The following MYO18A variants were observed in gnomAD, a reference collection of about 807,000 sequenced individuals.
The protein encoded by MYO18A is myosin XVIIIA.
Under a neutral mutation model 235.8 loss-of-function variants are expected in MYO18A, and 78 were observed. That is an observed-to-expected ratio of 0.33 (90% CI 0.28 to 0.40). The LOEUF (loss-of-function observed/expected upper bound fraction) is 0.40, where lower values mean the gene tolerates loss of function less well. Among genes scored for constraint, MYO18A ranks in the 10% least tolerant of loss-of-function variants. The pLI is 1.00. For synonymous variants in MYO18A, 977 were observed against 1,077.8 expected (o/e 0.91, Z 1.83); for missense variants, 2,215 against 2,699.3 (o/e 0.82, Z 3.98).
chr17:29,131,501 A>C, intron 2 of MYO18A: 1 of 890,196 alleles, frequency 1.1e-6, no homozygotes, highest in Non-Finnish European at 1.3e-6. Context: ...CAGCACTAAA[A>C]GCACAGGGAG....
chr17:29,148,363 G>C (rs999591580), intron 2 of MYO18A, among the ~76,000 whole-genome samples: 1 of 152,194 alleles, frequency 6.6e-6, no homozygotes, highest in South Asian at 2.1e-4. Flanking sequence ...GGAGAGTCCT[G>C]TTTAAAGCAC....
chr17:29,122,275 A>G (rs2067219679), intron 2 of MYO18A, 22 bp from the exon 3 acceptor site: 1 of 1,598,850 alleles, frequency 6.3e-7, no homozygotes, highest in African/African-American at 1.3e-5. Flanking sequence ...AGAGAAGAAT[A>G]AACAGGCCCT....
intron 21 of MYO18A, among the ~76,000 whole-genome samples, chr17:29,103,005 G>A (rs531616517): frequency 6.6e-6 from 1 of 152,304 alleles, no homozygotes; most frequent in Admixed American, 6.5e-5. Flanking sequence ...AGGGCTTCCT[G>A]CCTGTGGGAG....
intron 2 of MYO18A, chr17:29,128,607 A>C: frequency 8.8e-7 from 1 of 1,142,808 alleles, no homozygotes; most frequent in Non-Finnish European, 1.1e-6. Context: ...CATCCCATGC[A>C]GAGGGAATAA....
intron 22 of MYO18A, 72 bp downstream of exon 22, chr17:29,099,562 T>C (rs2066605697): frequency 1.3e-6 from 2 of 1,552,260 alleles, no homozygotes; most frequent in Non-Finnish European, 1.7e-6. Context: ...CTCCCCCTTA[T>C]AGCCCCCACC....
intron 15 of MYO18A, among the ~76,000 whole-genome samples, chr17:29,112,175 C>A (rs1025312276): frequency 1.3e-5 from 2 of 152,250 alleles, no homozygotes; most frequent in African/African-American, 4.8e-5. Flanking sequence ...CTCCTCCACC[C>A]TCGTCCCCTC....
intron 1 of MYO18A, among the ~76,000 whole-genome samples, chr17:29,173,480 C>G (rs1170556460): frequency 2.0e-5 from 3 of 151,410 alleles, no homozygotes; most frequent in African/African-American, 7.3e-5. Flanking sequence ...CTCCGCCTCC[C>G]GGGTTCACGC....
In MYO18A at chr17:29,096,900, C is replaced by T. The variant is rs1374990345; in HGVS notation, c.4246G>A (p.Ala1416Thr). The T allele has an allele frequency of 1.3e-6, 2 of 1,571,818 alleles. No homozygotes were observed. Among genetic ancestry groups the T allele is most frequent in the South Asian group, 2.3e-5 (2 of 85,298 alleles). Residue 1416 changes from alanine (A) to threonine (T), a missense_variant, in exon 28 of 42, where the codon GCA (alanine) becomes ACA (threonine). Coordinates refer to ENST00000527372, the MANE Select transcript of MYO18A (RefSeq NM_078471.4). ...QLERRLGDLQADSEESQRALQ... is the reference protein window; with the variant it reads ...QLERRLGDLQTDSEESQRALQ... Reference sequence around the variant, plus strand: ...GCCCGCTGACTCTCCTCACTATCTGCCTGCAGGTCCCCGAGCTAGGGGCCA... The same window carrying T: ...GCCCGCTGACTCTCCTCACTATCTGTCTGCAGGTCCCCGAGCTAGGGGCCA...
At chr17:29,142,510 T>G (rs2067763231) in intron 2 of MYO18A, among the ~76,000 whole-genome samples, 1 of 152,192 alleles carries the variant, frequency 6.6e-6, no homozygotes, top group Non-Finnish European at 1.5e-5. Context: ...GTTCTCCAAG[T>G]TCTCAGGCCA....
In MYO18A at chr17:29,125,593, G is replaced by A. The variant is rs1567614809; in HGVS notation, c.1000-3340C>T. Among the ~76,000 whole-genome samples the A allele has an allele frequency of 1.3e-5, 2 of 152,148 alleles. No homozygotes were observed. Among genetic ancestry groups the A allele is most frequent in the African/African-American group, 4.8e-5 (2 of 41,422 alleles). On this transcript the variant is annotated intron_variant, in intron 2 of 41. Transcript: ENST00000527372. The surrounding 1 kb of genome is among the most constrained non-coding windows in gnomAD (Gnocchi z 5.1). ...GCGACAGCAACCTTCCTTACCACCC[G>A]CCAGGCCCTGACACCAACACATGTC...
intron 2 of MYO18A, among the ~76,000 whole-genome samples, chr17:29,159,081 CCT>C (rs2068118742): frequency 6.6e-6 from 1 of 152,138 alleles, no homozygotes; most frequent in South Asian, 2.1e-4. Flanking sequence ...GTCAGTGCAG[CCT>C]GGGCACTGTG....
rs1343727330 is a variant in MYO18A at position 29,140,466 on chromosome 17, T to C, written c.1000-18213A>G. 1.7e-6 allele frequency: 2 copies of C among 1,201,286 alleles called. No individual in the cohort carries two copies. The highest frequency in any genetic ancestry group is 1.5e-5 in the South Asian group (1 of 68,674). 74.4% of individuals were successfully genotyped at this position (1,201,286 alleles called of 1,614,324 possible). ...CAGTTCCCGCCCTCTCCCCGGCCCC[T>C]CCCGTCCCGAGCTGCCCAGCCCTAG... On this transcript the variant is annotated intron_variant, in intron 2 of 41. Transcript: ENST00000527372. This position sits in a 1 kb window ranked among gnomAD's most constrained non-coding sequence, Gnocchi z 4.2.
intron 1 of MYO18A, among the ~76,000 whole-genome samples, chr17:29,178,080 A>G (rs2068572104): frequency 6.6e-6 from 1 of 152,116 alleles, no homozygotes; most frequent in Non-Finnish European, 1.5e-5. Context: ...TTTCAGGCCC[A>G]GTTTCTGAAG....
chr17:29,172,159 G>A (rs1221435706), intron 1 of MYO18A, among the ~76,000 whole-genome samples: 1 of 152,128 alleles, frequency 6.6e-6, no homozygotes, highest in African/African-American at 2.4e-5. Context: ...TGGATATCAA[G>A]TAACAAACCT....
intron 23 of MYO18A, 100 bp from the exon 24 acceptor site, chr17:29,098,545 G>T (rs563840252): frequency 3.6e-6 from 5 of 1,373,552 alleles, no homozygotes; most frequent in Admixed American, 3.8e-5. Flanking sequence ...TGAAGCTTGG[G>T]CCAGGACGCC....
chr17:29,111,745 C>G lies in MYO18A; in HGVS notation c.2717G>C (p.Gly906Ala). ...ACCTTTTTTGTCACCTTCCTGGGGG[C>G]CATAATAGGAGAAAAGGCGCTCCAG... ...TLLERLFSYYGPQEGDKKGQS... is the reference protein window; with the variant it reads ...TLLERLFSYYAPQEGDKKGQS... Residue 906 changes from glycine (G) to alanine (A), a missense_variant, in exon 16 of 42, where the codon GGC becomes GCC. By Grantham distance (60) the Gly-to-Ala change is moderately conservative (BLOSUM62 0). Transcript: ENST00000527372. The surrounding 1 kb of genome is among the most constrained non-coding windows in gnomAD (Gnocchi z 5.1). The G allele has an allele frequency of 6.2e-7, 1 of 1,613,692 alleles. No individual in the cohort carries two copies.
intron 2 of MYO18A, chr17:29,128,128 C>T (rs2067369821): frequency 1.9e-6 from 2 of 1,074,544 alleles, no homozygotes; most frequent in African/African-American, 3.5e-5. Context: ...TCAGGCTCCG[C>T]AGGCCCAGGG....
intron 2 of MYO18A, among the ~76,000 whole-genome samples, chr17:29,135,472 A>G (rs1312880097): frequency 6.6e-6 from 1 of 152,230 alleles, no homozygotes; most frequent in African/African-American, 2.4e-5. Flanking sequence ...TTTGTTTTCA[A>G]TTAATTATTT....
intron 11 of MYO18A, 159 bp from the exon 12 acceptor site, chr17:29,115,999 C>T: frequency 1.3e-6 from 1 of 745,018 alleles, no homozygotes; most frequent in Non-Finnish European, 2.1e-6. Context: ...CAGCAGTGGC[C>T]AGCATTTCCT....
Sources: gnomAD v4.1 joint callset for allele counts (sites outside exome capture counted in the v4.1 genomes callset) on GRCh38, gnomAD v4.1.1 for gene constraint, Gnocchi (gnomAD v3.1) non-coding constraint, MANE v1.5 for transcripts, NCBI Gene and HGNC (gene_info 2026-07-23, HGNC 2026-07-21) for gene names.